The following GABRP variants were observed in gnomAD, a reference collection of about 807,000 sequenced individuals.
GABRP encodes gamma-aminobutyric acid type A receptor subunit pi.
Under a neutral mutation model 47.8 loss-of-function variants are expected in GABRP, and 52 were observed. That is an observed-to-expected ratio of 1.09 (90% CI 0.87 to 1.37). GABRP has a LOEUF of 1.37. GABRP is among the 40% of genes most tolerant of loss of function. The probability of loss-of-function intolerance (pLI) is 0.00; values close to 1 mark genes in which losing one functional copy is unlikely to be tolerated. For missense variants in GABRP, 525 were observed against 542.8 expected, an observed-to-expected ratio of 0.97 and a Z score of 0.33; for synonymous variants, 221 against 205.8, an observed-to-expected ratio of 1.07 and a Z score of -0.63.
chr5:170,790,089 A>T (rs1282651178), intron 3 of GABRP, among the ~76,000 whole-genome samples: 1 of 152,136 alleles, frequency 6.6e-6, no homozygotes, highest in Non-Finnish European at 1.5e-5. Flanking sequence ...GTCTGACTTC[A>T]TTTCCCTCAC....
chr5:170,806,918 TTTATC>T, intron 7 of GABRP, among the ~76,000 whole-genome samples: 1 of 152,244 alleles, frequency 6.6e-6, no homozygotes, highest in Non-Finnish European at 1.5e-5. Context: ...TCTTTTTTCT[TTTATC>T]TATTTACTTA....
Position 170,808,769 on chromosome 5 carries a change from G to A in GABRP, c.832+17G>A. 6.2e-7 allele frequency: 1 copy of A among 1,610,856 alleles called. No homozygotes were observed. Among genetic ancestry groups the A allele is most frequent in the Non-Finnish European group, 8.5e-7 (1 of 1,178,538 alleles). On this transcript the variant is annotated intron_variant, in intron 8 of 9. Coordinates refer to ENST00000265294, the MANE Select transcript of GABRP (RefSeq NM_014211.3). ...CCTGCATTGGTAAGCAGCTCCAACA[G>A]GAGATTTCTAAGAACTGGCTTATCA...
At chr5:170,791,427 C>A (rs187474321) in intron 3 of GABRP, among the ~76,000 whole-genome samples, 72 of 152,322 alleles carry the variant, frequency 4.7e-4, no homozygotes, top group Middle Eastern at 3.4e-3. Flanking sequence ...CCAAAAGAGA[C>A]AAGACCTTCA....
At chr5:170,802,038 C>T (rs906478158) in intron 6 of GABRP, among the ~76,000 whole-genome samples, 3 of 152,150 alleles carry the variant, frequency 2.0e-5, no homozygotes, top group South Asian at 2.1e-4. Flanking sequence ...ATTTATCACT[C>T]GTGCTTCCAA....
intron 3 of GABRP, among the ~76,000 whole-genome samples, chr5:170,790,252 G>T (rs1339779387): frequency 6.6e-6 from 1 of 152,184 alleles, no homozygotes; most frequent in Non-Finnish European, 1.5e-5. Flanking sequence ...ACAAACCTGA[G>T]TTTGGCTCCT....
intron 5 of GABRP, among the ~76,000 whole-genome samples, chr5:170,795,662 C>T (rs1008183991): frequency 1.3e-4 from 20 of 152,150 alleles, no homozygotes; most frequent in Admixed American, 3.3e-4. Context: ...TTGACCTGTC[C>T]TCAAGACACG....
At chr5:170,811,912 G>T (rs749544936) in intron 9 of GABRP, 44 bp from the exon 10 acceptor site, 23 of 1,548,230 alleles carry the variant, frequency 1.5e-5, no homozygotes, top group Non-Finnish European at 2.0e-5. Context: ...TATTTATTTT[G>T]CTGAGTCAAG....
chr5:170,796,706 C>T (rs2127256803), intron 5 of GABRP, among the ~76,000 whole-genome samples: 1 of 152,294 alleles, frequency 6.6e-6, no homozygotes, highest in East Asian at 1.9e-4. Flanking sequence ...TAAACCATAG[C>T]TATTGTTAGT....
intron 6 of GABRP, among the ~76,000 whole-genome samples, chr5:170,803,828 G>A (rs1765657420): frequency 6.6e-6 from 1 of 152,132 alleles, no homozygotes; most frequent in Admixed American, 6.6e-5. Flanking sequence ...CCAGGCTGGA[G>A]TGCAATGGCG....
chr5:170,800,516 T>C (rs1254557428), intron 6 of GABRP, among the ~76,000 whole-genome samples: 4 of 152,166 alleles, frequency 2.6e-5, no homozygotes, highest in East Asian at 3.9e-4. Flanking sequence ...CACTCCCCAT[T>C]GCAAAGGAAG....
At chr5:170,810,376 A>T (rs1327155973) in intron 9 of GABRP, among the ~76,000 whole-genome samples, 1 of 152,220 alleles carries the variant, frequency 6.6e-6, no homozygotes, top group Non-Finnish European at 1.5e-5. Flanking sequence ...TGCTCATAAC[A>T]ACCCAATAAG....
At chr5:170,790,900 G>A (rs1218853320) in intron 3 of GABRP, among the ~76,000 whole-genome samples, 1 of 152,152 alleles carries the variant, frequency 6.6e-6, no homozygotes. Flanking sequence ...CACCTGCTCA[G>A]TTGGAGATGG....
rs573268224 is a variant in GABRP at position 170,813,335 on chromosome 5, C to G, written c.*1077C>G. 1 of 152,206 alleles carries G rather than the reference C, an allele frequency of 6.6e-6. No homozygotes were observed. Among genetic ancestry groups the G allele is most frequent in the African/African-American group, 2.4e-5 (1 of 41,436 alleles). 9.4% of individuals were successfully genotyped at this position (152,206 alleles called of 1,614,324 possible). A position where few individuals can be genotyped will look rare whatever the true frequency, so the allele number is the denominator to read the frequency against. ...ATCAGGAATGATGCTTATTAGAAAA[C>G]AAACTGCTTGACCCAGGAACAAGTG... On this transcript the variant is annotated 3_prime_UTR_variant, in exon 10 of 10. Transcript: ENST00000265294.
intron 9 of GABRP, chr5:170,810,046 A>T: frequency 1.5e-6 from 1 of 676,434 alleles, no homozygotes; most frequent in South Asian, 1.7e-5. Context: ...TCCATGAAGA[A>T]TCCAATATGA....
chr5:170,788,534 G>C (rs1765182791), intron 1 of GABRP, 40 bp from the exon 2 acceptor site: 1 of 1,409,614 alleles, frequency 7.1e-7, no homozygotes, highest in African/African-American at 1.4e-5. Context: ...AGGTGAGCCT[G>C]TTGCACGGCC....
At chr5:170,805,442 C>A (rs964822089) in intron 6 of GABRP, among the ~76,000 whole-genome samples, 8 of 151,834 alleles carry the variant, frequency 5.3e-5, no homozygotes, top group Admixed American at 5.3e-4. Context: ...TGAGGGAGGC[C>A]ACTTCTAATG....
intron 1 of GABRP, 185 bp from the exon 2 acceptor site, chr5:170,788,389 C>A: frequency 4.7e-6 from 2 of 428,554 alleles, no homozygotes; most frequent in Non-Finnish European, 8.2e-6. Context: ...CATAATCCTC[C>A]AAAATGAAGT....
intron 4 of GABRP, 62 bp downstream of exon 4, chr5:170,794,360 T>C (rs1471372786): frequency 7.9e-6 from 7 of 881,802 alleles, no homozygotes; most frequent in South Asian, 1.8e-5. Flanking sequence ...AAAGGGGATA[T>C]GCTTTCTAGC....
intron 6 of GABRP, among the ~76,000 whole-genome samples, chr5:170,802,112 A>C (rs1360554284): frequency 6.6e-6 from 1 of 152,228 alleles, no homozygotes; most frequent in Non-Finnish European, 1.5e-5. Flanking sequence ...ATGGGCATCT[A>C]AACTGTAACC....
Sources: allele counts gnomAD v4.1 joint callset (sites outside exome capture counted in the v4.1 genomes callset), GRCh38; gene constraint gnomAD v4.1.1; transcripts MANE v1.5; gene names NCBI Gene and HGNC (gene_info 2026-07-23, HGNC 2026-07-21).